The following SFMBT1 variants were observed in gnomAD, a reference collection of about 807,000 sequenced individuals.
SFMBT1 encodes scm-like with four MBT domains protein 1.
SFMBT1 carries 32 observed loss-of-function variants against 108.7 expected under a neutral mutation model. That is an observed-to-expected ratio of 0.29 (90% CI 0.22 to 0.40). SFMBT1 has a LOEUF of 0.40. Ranked by LOEUF, SFMBT1 falls within the 10% of genes least tolerant of loss-of-function variation. The probability of loss-of-function intolerance (pLI) is 1.00; values close to 1 mark genes in which losing one functional copy is unlikely to be tolerated. For synonymous variants in SFMBT1, 348 were observed against 369.5 expected, an observed-to-expected ratio of 0.94 and a Z score of 0.67; for missense variants, 816 against 1,059.6, an observed-to-expected ratio of 0.77 and a Z score of 3.19.
chr3:52,915,238 A>G (rs11708337), intron 14 of SFMBT1, among the ~76,000 whole-genome samples: 17,124 of 152,240 alleles, frequency 0.11, 996 homozygotes, highest in Non-Finnish European at 0.13. Flanking sequence ...TCTGTTTCCC[A>G]GGGAACCTGA....
intron 4 of SFMBT1, among the ~76,000 whole-genome samples, chr3:52,935,856 T>C (rs548224915): frequency 6.6e-6 from 1 of 152,304 alleles, no homozygotes; most frequent in Non-Finnish European, 1.5e-5. Flanking sequence ...GTCCCTACTC[T>C]CTCTTTTTTT....
rs753278177 is a variant in SFMBT1 at position 53,003,227 on chromosome 3, T to C, written c.-130-33969A>G. ...CAAAAGAAAAACTCTCTATATGTTC[T>C]GCATCAAGCTAATACCACAATTAAA... On this transcript the variant is annotated intron_variant, in intron 1 of 20. Transcript: ENST00000394752. Among the ~76,000 whole-genome samples the C allele has an allele frequency of 6.7e-5, 10 of 149,712 alleles. 2 individuals are homozygous for C. The highest frequency in any genetic ancestry group is 1.3e-4 in the Non-Finnish European group (9 of 66,922).
At position 53,000,040 on chromosome 3, in the gene SFMBT1, T is replaced by G. The variant is rs530814800; in HGVS notation, c.-130-30782A>C. Among the ~76,000 whole-genome samples, 4 of 149,942 alleles carry G rather than the reference T, an allele frequency of 2.7e-5. 1 individual carries two copies. The highest frequency in any genetic ancestry group is 6.7e-5 in the Admixed American group (1 of 14,838). ...CATCAGCCCGGCTAATTTTTTGTATTTTTAGTAGAGACAGGGTTTCACCGT... is the reference window on the plus strand; with the variant it reads ...CATCAGCCCGGCTAATTTTTTGTATGTTTAGTAGAGACAGGGTTTCACCGT... On this transcript the variant is annotated intron_variant, in intron 1 of 20. Transcript: ENST00000394752.
At chr3:52,996,482 G>C (rs531550572) in intron 1 of SFMBT1, among the ~76,000 whole-genome samples, 1 of 149,918 alleles carries the variant, frequency 6.7e-6, no homozygotes, top group South Asian at 2.1e-4. Context: ...CCAAATGCTA[G>C]GATTATAGGC....
intron 1 of SFMBT1, among the ~76,000 whole-genome samples, chr3:52,998,964 C>A (rs1698439917): frequency 6.6e-6 from 1 of 150,856 alleles, no homozygotes; most frequent in African/African-American, 2.4e-5. Context: ...GAGCATTCAG[C>A]TGGTGCGCGA....
chr3:53,002,821 A>AG (rs1698604270), intron 1 of SFMBT1, among the ~76,000 whole-genome samples: 2 of 150,450 alleles, frequency 1.3e-5, no homozygotes, highest in African/African-American at 4.8e-5. Context: ...AGAAAATATA[A>AG]TGTAAGTTAA....
chr3:53,028,903 T>A (rs1699585811), intron 1 of SFMBT1, among the ~76,000 whole-genome samples: 1 of 152,070 alleles, frequency 6.6e-6, no homozygotes, highest in Admixed American at 6.5e-5. Context: ...CCGGGCGCGG[T>A]AGCTCATGCC....
Sources: gnomAD v4.1 joint callset for allele counts (sites outside exome capture counted in the v4.1 genomes callset) on GRCh38, gnomAD v4.1.1 for gene constraint, MANE v1.5 for transcripts, NCBI Gene and HGNC (gene_info 2026-07-23, HGNC 2026-07-21) for gene names.